DYNC2H1: variants seen among roughly 807,000 people sequenced by gnomAD.
The protein encoded by DYNC2H1 is dynein cytoplasmic 2 heavy chain 1.
A neutral mutation model predicts 570.0 loss-of-function variants in DYNC2H1; 410 were observed. The ratio of observed to expected loss-of-function variants is 0.72; its 90% CI spans 0.66 to 0.78. DYNC2H1 has a LOEUF of 0.78. Among genes scored for constraint, DYNC2H1 ranks in the 30% least tolerant of loss-of-function variants. The pLI is 0.00. For missense variants in DYNC2H1, 4,865 were observed against 5,046.4 expected, an observed-to-expected ratio of 0.96 and a Z score of 1.09; for synonymous variants, 1,688 against 1,677.6, an observed-to-expected ratio of 1.01 and a Z score of -0.15.
chr11:103,364,386 G>A (rs559109437), intron 83 of DYNC2H1, among the ~76,000 whole-genome samples: 13 of 151,540 alleles, frequency 8.6e-5, no homozygotes, highest in Non-Finnish European at 1.3e-4. Context: ...GAATAGTTTC[G>A]TAATTGGTCC....
chr11:103,121,175 A>G, intron 9 of DYNC2H1, 139 bp downstream of exon 9: 1 of 920,226 alleles, frequency 1.1e-6, no homozygotes, highest in East Asian at 2.7e-5. Context: ...TTATTCTGTT[A>G]TAAATGACAG....
chr11:103,289,819 T>C lies in DYNC2H1; in HGVS notation c.11095+2214T>C, dbSNP rs1236610330. On this transcript the variant is annotated intron_variant, in intron 75 of 88. Transcript: ENST00000375735. This position sits in a 1 kb window ranked among gnomAD's most constrained non-coding sequence, Gnocchi z 4.2. ...ATATAACCCATATATAATGTTGAAT[T>C]AAATTTGACATCCTATATTTAGTTA... is the stretch of plus-strand genomic sequence containing the variant. Among the ~76,000 whole-genome samples, 2 of 152,156 alleles carry C rather than the reference T, an allele frequency of 1.3e-5. No individual in the cohort carries two copies. The highest frequency in any genetic ancestry group is 2.9e-5 in the Non-Finnish European group (2 of 68,030).
chr11:103,352,354 A>G (rs1264587965), intron 82 of DYNC2H1, among the ~76,000 whole-genome samples: 1 of 152,070 alleles, frequency 6.6e-6, no homozygotes, highest in Non-Finnish European at 1.5e-5. Context: ...TTTTTAACAT[A>G]AGATTTGCTA....
chr11:103,436,197 ATT>A lies in DYNC2H1; in HGVS notation c.12456+180_12456+181del, dbSNP rs140294172. Among the ~76,000 whole-genome samples the A allele has an allele frequency of 0.033, 4,781 of 145,068 alleles. 142 individuals are homozygous for A. Among genetic ancestry groups the A allele is most frequent in the Middle Eastern group, 0.072 (20 of 278 alleles). Reference sequence around the variant, plus strand: ...TGTTATTTTTGTATAGCACTGTTCTATTTTTTTTTTTTTTTTACAAAATGTGC... The same window carrying A: ...TGTTATTTTTGTATAGCACTGTTCTATTTTTTTTTTTTTTACAAAATGTGC... On this transcript the variant is annotated intron_variant, in intron 85 of 88. Transcript: ENST00000375735.
intron 83 of DYNC2H1, among the ~76,000 whole-genome samples, chr11:103,389,029 G>A (rs1668303533): frequency 6.6e-6 from 1 of 152,160 alleles, no homozygotes; most frequent in African/African-American, 2.4e-5. Context: ...AATGAGTTAG[G>A]GAGGATTCCC....
At chr11:103,188,089 TAG>T (rs1365842796) in intron 43 of DYNC2H1, among the ~76,000 whole-genome samples, 2 of 152,102 alleles carry the variant, frequency 1.3e-5, no homozygotes, top group East Asian at 1.9e-4. Flanking sequence ...TATAAATTCT[TAG>T]AGTTTATTAC....
At chr11:103,286,724 G>A (rs867617828) in intron 74 of DYNC2H1, among the ~76,000 whole-genome samples, 25 of 152,252 alleles carry the variant, frequency 1.6e-4, no homozygotes, top group South Asian at 4.1e-4. Context: ...AGACCTAATA[G>A]TGAGTAACAG....
intron 50 of DYNC2H1, among the ~76,000 whole-genome samples, chr11:103,202,293 G>GTTTTTTT (rs1318165052): frequency 6.4e-5 from 3 of 47,174 alleles, no homozygotes; most frequent in Non-Finnish European, 3.5e-5. Flanking sequence ...CAGAAACACA[G>GTTTTTTT]ATTTTTTTTT....
At chr11:103,464,778 CACAT>C (rs1453262949) in intron 87 of DYNC2H1, among the ~76,000 whole-genome samples, 1 of 152,078 alleles carries the variant, frequency 6.6e-6, no homozygotes. Context: ...ATTCACCACT[CACAT>C]ACAGCCTCAA....
At chr11:103,344,957 C>T (rs1166894975) in intron 82 of DYNC2H1, among the ~76,000 whole-genome samples, 1 of 151,988 alleles carries the variant, frequency 6.6e-6, no homozygotes, top group African/African-American at 2.4e-5. Context: ...GCTGAAGTCC[C>T]CACCATTCTG....
chr11:103,117,234 A>G (rs908596779), intron 5 of DYNC2H1, among the ~76,000 whole-genome samples: 2 of 146,706 alleles, frequency 1.4e-5, no homozygotes, highest in African/African-American at 4.9e-5. Flanking sequence ...TAATATATGT[A>G]TATATATATT....
At chr11:103,383,936 T>C (rs1941772475) in intron 83 of DYNC2H1, among the ~76,000 whole-genome samples, 1 of 152,350 alleles carries the variant, frequency 6.6e-6, no homozygotes, top group East Asian at 1.9e-4. Flanking sequence ...TTTTTACTCA[T>C]TCTTTACTGT....
rs72975625 is a variant in DYNC2H1 at position 103,305,121 on chromosome 11, C to T, written c.11382+401C>T. 0.051 allele frequency among the ~76,000 whole-genome samples: 7,821 copies of T among 152,134 alleles called. 257 individuals carry two copies. The highest frequency in any genetic ancestry group is 0.075 in the Non-Finnish European group (5,088 of 67,974). The stretch of plus-strand genomic sequence containing the variant: ...AGAGAATAAACTGAAGCAAATGTTT[C>T]GTTTATCTCAAATGGACTCAGGAGA... On this transcript the variant is annotated intron_variant, in intron 77 of 88. Transcript: ENST00000375735. The surrounding 1 kb of genome is among the most constrained non-coding windows in gnomAD (Gnocchi z 4.3).
intron 10 of DYNC2H1, among the ~76,000 whole-genome samples, chr11:103,122,618 CTTGCGT>C (rs1417721942): frequency 2.6e-5 from 4 of 152,200 alleles, no homozygotes; most frequent in Non-Finnish European, 4.4e-5. Flanking sequence ...GGGTTATCCT[CTTGCGT>C]TTGCTCTTCT....
Position 103,259,955 on chromosome 11 carries a change from A to ATC in DYNC2H1, c.10674_10675insCT (p.Ile3559LeufsTer12). The ATC allele has an allele frequency of 6.6e-7, 1 of 1,517,666 alleles. No homozygotes were observed. Among genetic ancestry groups the ATC allele is most frequent in the Non-Finnish European group, 8.9e-7 (1 of 1,129,862 alleles). The allele number at this position is 1,517,666 out of a possible 1,614,324, so 94.0% of individuals were successfully genotyped here. A position where few individuals can be genotyped will look rare whatever the true frequency, so the allele number is the denominator to read the frequency against. ...TCATTACAACATATGGTATATGAATATATATGTCGTTGTCTATTTAAGGTA... is the reference window on the plus strand; with the variant it reads ...TCATTACAACATATGGTATATGAATATCTATATGTCGTTGTCTATTTAAGGTA... On this transcript the variant is annotated frameshift_variant, in exon 70 of 89. Coordinates refer to ENST00000375735, the MANE Select transcript of DYNC2H1 (RefSeq NM_001377.3). LOFTEE classifies it high-confidence loss of function.
intron 70 of DYNC2H1, among the ~76,000 whole-genome samples, chr11:103,267,630 T>G (rs558113340): frequency 1.3e-5 from 2 of 152,188 alleles, no homozygotes; most frequent in Non-Finnish European, 2.9e-5. Flanking sequence ...AACTTTTTCA[T>G]TATACAAACA....
chr11:103,409,271 G>T (rs1793495), intron 84 of DYNC2H1, among the ~76,000 whole-genome samples: 91,635 of 151,614 alleles, frequency 0.6, 29,700 homozygotes, highest in African/African-American at 0.86. Context: ...GGCTGTTAAC[G>T]GTCAGTGGGT....
chr11:103,283,105 A>G lies in DYNC2H1; in HGVS notation c.10890+20A>G. ...TTAAAGGTATTCCTTTTCTACTATG[A>G]GACATGTTTTAATTTCTTCTGTATT... On this transcript the variant is annotated intron_variant, in intron 73 of 88. Coordinates refer to ENST00000375735, the MANE Select transcript of DYNC2H1 (RefSeq NM_001377.3). 1 of 1,581,072 alleles carries G rather than the reference A, an allele frequency of 6.3e-7. No homozygotes were observed. Among genetic ancestry groups the G allele is most frequent in the South Asian group, 1.1e-5 (1 of 87,576 alleles).
In DYNC2H1 at chr11:103,326,171, T is replaced by A. The variant is rs1341348326; in HGVS notation, c.12039+2181T>A. Among the ~76,000 whole-genome samples the A allele has an allele frequency of 6.6e-6, 1 of 152,156 alleles. No homozygotes were observed. The highest frequency in any genetic ancestry group is 1.5e-5 in the Non-Finnish European group (1 of 68,026). ...TAGGAGTAGTGGCTGGTAGATAGGCTCTTACTTAGCCCTGTGGTTTTTTTG... is the reference window on the plus strand; with the variant it reads ...TAGGAGTAGTGGCTGGTAGATAGGCACTTACTTAGCCCTGTGGTTTTTTTG... On this transcript the variant is annotated intron_variant, in intron 82 of 88. Transcript: ENST00000375735. This position sits in a 1 kb window ranked among gnomAD's most constrained non-coding sequence, Gnocchi z 6.1.
Sources: allele counts gnomAD v4.1 joint callset (sites outside exome capture counted in the v4.1 genomes callset), GRCh38; gene constraint gnomAD v4.1.1; non-coding constraint Gnocchi (gnomAD v3.1); transcripts MANE v1.5; gene names NCBI Gene and HGNC (gene_info 2026-07-23, HGNC 2026-07-21).